Variants in DENND3 observed in about 807,000 individuals in gnomAD.
The protein encoded by DENND3 is DENN domain containing 3, also known as DENN domain-containing protein 3.
Under a neutral mutation model 135.1 loss-of-function variants are expected in DENND3, and 88 were observed. The ratio of observed to expected loss-of-function variants is 0.65; its 90% CI spans 0.55 to 0.78. The LOEUF is 0.78. Among genes scored for constraint, DENND3 ranks in the 30% least tolerant of loss-of-function variants. DENND3 has a pLI of 0.00. For synonymous variants in DENND3, 693 were observed against 712.3 expected (o/e 0.97, Z 0.43); for missense variants, 1,392 against 1,688.4 (o/e 0.82, Z 3.08).
intron 14 of DENND3, chr8:141,176,390 G>A (rs1822372004): frequency 1.6e-6 from 1 of 612,392 alleles, no homozygotes; most frequent in South Asian, 2.0e-5. Context: ...GTGGGTGTAG[G>A]TGCCGCACCG....
intron 16 of DENND3, 31 bp from the exon 17 acceptor site, chr8:141,180,716 A>G: frequency 1.3e-6 from 2 of 1,597,208 alleles, no homozygotes; most frequent in Non-Finnish European, 1.7e-6. Context: ...TGAGGCTGCA[A>G]CAGTAACACT....
rs1364846864 is a variant in DENND3 at position 141,146,643 on chromosome 8, T to C, written c.735+2384T>C. 2.0e-5 allele frequency among the ~76,000 whole-genome samples: 3 copies of C among 152,166 alleles called. No homozygotes were observed. On this transcript the variant is annotated intron_variant, in intron 5 of 22. Transcript: ENST00000519811. The surrounding 1 kb of genome is among the most constrained non-coding windows in gnomAD (Gnocchi z 4.3). ...GTTTCTTGTATCAAAAGACACATGA[T>C]TGTGAACTTAAAATGTGCGTTTTTA...
At position 141,150,498 on chromosome 8, in the gene DENND3, A is replaced by G. The variant is rs532845988; in HGVS notation, c.736-336A>G. 8 of 371,186 alleles carry G rather than the reference A, an allele frequency of 2.2e-5. No homozygotes were observed. In the East Asian group the frequency reaches 5.7e-4, roughly 26 times the overall value. 23.0% of individuals were successfully genotyped at this position (371,186 alleles called of 1,614,324 possible). ...TGTAATACCTAAGAATAATTTGAACATGCTTGATTTAGAATTTGTGTTAAT... is the reference window on the plus strand; with the variant it reads ...TGTAATACCTAAGAATAATTTGAACGTGCTTGATTTAGAATTTGTGTTAAT... On this transcript the variant is annotated intron_variant, in intron 5 of 22. Coordinates refer to ENST00000519811, the MANE Select transcript of DENND3 (RefSeq NM_001352890.3).
chr8:141,177,836 T>C (rs1398130132), intron 15 of DENND3: 1 of 467,194 alleles, frequency 2.1e-6, no homozygotes, highest in African/African-American at 2.0e-5. Context: ...GCCTCCTGCC[T>C]AGCCCCTTCT....
intron 15 of DENND3, 73 bp from the exon 16 acceptor site, chr8:141,177,994 G>A: frequency 2.6e-6 from 4 of 1,523,506 alleles, no homozygotes; most frequent in Non-Finnish European, 3.5e-6. Flanking sequence ...TGTCCTGTGT[G>A]TTGCAACAAG....
At chr8:141,131,097 G>A (rs1816030432) in intron 1 of DENND3, among the ~76,000 whole-genome samples, 1 of 152,136 alleles carries the variant, frequency 6.6e-6, no homozygotes, top group Non-Finnish European at 1.5e-5. Flanking sequence ...GGAATATCCA[G>A]CTTCATGTTG....
Position 141,194,193 on chromosome 8 carries a change from G to A in DENND3, c.3797G>A (p.Gly1266Asp). 6.2e-7 allele frequency: 1 copy of A among 1,613,434 alleles called. No homozygotes were observed. The highest frequency in any genetic ancestry group is 8.5e-7 in the Non-Finnish European group (1 of 1,179,940). ...AEDRYVLSGS[G>D]REEGKVAIWK... is the part of the protein sequence containing the mutation. ...GACAGATACGTGCTGAGTGGGTCGG[G>A]CAGGGAGGAGGGGAAAGTCGCCATT... The change falls in exon 23 of 23, where the codon GGC becomes GAC. Residue 1266 changes from glycine (G) to aspartate (D), a missense_variant. Coordinates refer to ENST00000519811, the MANE Select transcript of DENND3 (RefSeq NM_001352890.3).
intron 5 of DENND3, among the ~76,000 whole-genome samples, chr8:141,147,065 C>T (rs982593317): frequency 1.3e-5 from 2 of 152,228 alleles, no homozygotes; most frequent in Admixed American, 6.5e-5. Context: ...TCCTTCATCT[C>T]GACGCACCCG....
intron 7 of DENND3, among the ~76,000 whole-genome samples, chr8:141,153,894 G>C (rs1819121308): frequency 6.6e-6 from 1 of 152,216 alleles, no homozygotes; most frequent in Non-Finnish European, 1.5e-5. Context: ...GCACTCACCT[G>C]TTGGGAAAGA....
intron 14 of DENND3, chr8:141,176,154 C>A (rs527500730): frequency 2.2e-5 from 4 of 183,220 alleles, no homozygotes; most frequent in Non-Finnish European, 4.6e-5. Flanking sequence ...GCCAGTAGAT[C>A]CCCCTCTTGC....
At chr8:141,187,074 C>T (rs963066509) in intron 18 of DENND3, among the ~76,000 whole-genome samples, 14 of 151,440 alleles carry the variant, frequency 9.2e-5, no homozygotes, top group South Asian at 2.1e-4. Flanking sequence ...AAAATATTTT[C>T]GCATCTACAC....
At chr8:141,190,649 G>A in intron 20 of DENND3, 1 of 551,336 alleles carries the variant, frequency 1.8e-6, no homozygotes, top group Non-Finnish European at 3.0e-6. Flanking sequence ...CGGGATGCCT[G>A]TCTTGCCTGG....
At chr8:141,160,917 C>T (rs970810849) in intron 9 of DENND3, 130 bp downstream of exon 9, 58 of 1,173,994 alleles carry the variant, frequency 4.9e-5, no homozygotes, top group East Asian at 1.3e-4. Flanking sequence ...GAGTGGTCCC[C>T]GCCCCCTGCC....
intron 5 of DENND3, among the ~76,000 whole-genome samples, chr8:141,147,481 C>T (rs1818296323): frequency 1.3e-5 from 2 of 152,252 alleles, no homozygotes; most frequent in Admixed American, 1.3e-4. Flanking sequence ...TGTCCATTCC[C>T]TGAAGGTGCC....
At chr8:141,147,224 G>A (rs1241890394) in intron 5 of DENND3, among the ~76,000 whole-genome samples, 1 of 152,124 alleles carries the variant, frequency 6.6e-6, no homozygotes, top group Non-Finnish European at 1.5e-5. Flanking sequence ...GCTGCTCCCC[G>A]CTGCGTGACT....
At chr8:141,185,741 G>T (rs1191815509) in intron 18 of DENND3, among the ~76,000 whole-genome samples, 1 of 151,686 alleles carries the variant, frequency 6.6e-6, no homozygotes, top group African/African-American at 2.4e-5. Flanking sequence ...TGGTAGGATC[G>T]CTGAGCCTGG....
intron 13 of DENND3, among the ~76,000 whole-genome samples, chr8:141,171,711 G>C (rs989362315): frequency 3.3e-5 from 5 of 152,196 alleles, no homozygotes; most frequent in Non-Finnish European, 5.9e-5. Flanking sequence ...GTGCAGTGTT[G>C]GTGTGTGTGC....
At position 141,190,622 on chromosome 8, in the gene DENND3, T is replaced by C. The variant is rs537370353; in HGVS notation, c.3379+205T>C. 89 of 693,910 alleles carry C rather than the reference T, an allele frequency of 1.3e-4. 3 individuals carry two copies. The South Asian group carries it at 1.8e-3, about 14-fold the overall frequency. The allele number at this position is 693,910 out of a possible 1,614,324, so 43.0% of individuals were successfully genotyped here. ...GGGCTCCCCAGGCCTCCCTCTGCCT[T>C]TCTACCCAGCGGCTGACGGGATGCC... On this transcript the variant is annotated intron_variant, in intron 20 of 22. Transcript: ENST00000519811.
chr8:141,177,899 G>A, intron 15 of DENND3, 168 bp from the exon 16 acceptor site: 1 of 828,486 alleles, frequency 1.2e-6, no homozygotes, highest in Non-Finnish European at 1.7e-6. Context: ...TCTTAAGTAA[G>A]AGAAGAAATA....
Sources: gnomAD v4.1 joint callset for allele counts (sites outside exome capture counted in the v4.1 genomes callset) on GRCh38, gnomAD v4.1.1 for gene constraint, Gnocchi (gnomAD v3.1) non-coding constraint, MANE v1.5 for transcripts, NCBI Gene and HGNC (gene_info 2026-07-23, HGNC 2026-07-21) for gene names.